The following ZNF585B variants were observed in gnomAD, a reference collection of about 807,000 sequenced individuals.
The protein encoded by ZNF585B is zinc finger protein 585B.
In ZNF585B, 7 loss-of-function variants were observed where a neutral mutation model predicts 14.0. That is an observed-to-expected ratio of 0.50 (90% CI 0.28 to 0.94). The LOEUF (loss-of-function observed/expected upper bound fraction) is 0.94. Ranked by LOEUF, ZNF585B falls within the 40% of genes least tolerant of loss-of-function variation. The probability of loss-of-function intolerance (pLI) is 0.09; values close to 1 mark genes in which losing one functional copy is unlikely to be tolerated. For missense variants in ZNF585B, 750 were observed against 924.4 expected (o/e 0.81, Z 2.45); for synonymous variants, 290 against 317.3 (o/e 0.91, Z 0.91).
chr19:37,205,117 G>A (rs907388510), intron 2 of ZNF585B, among the ~76,000 whole-genome samples: 3 of 151,914 alleles, frequency 2.0e-5, no homozygotes, highest in African/African-American at 4.8e-5. Flanking sequence ...TGCCAGGGCT[G>A]GTCTTGAACT....
At chr19:37,207,865 AATG>A (rs1187508088) in intron 1 of ZNF585B, among the ~76,000 whole-genome samples, 1 of 152,234 alleles carries the variant, frequency 6.6e-6, no homozygotes, top group Non-Finnish European at 1.5e-5. Context: ...ATGAAATAAA[AATG>A]ATATGCGATT....
Position 37,190,158 on chromosome 19 carries a change from G to A in ZNF585B, c.73-8C>T, listed in dbSNP as rs866047867. 6.2e-7 allele frequency: 1 copy of A among 1,614,074 alleles called. No homozygotes were observed. Among genetic ancestry groups the A allele is most frequent in the Non-Finnish European group, 8.5e-7 (1 of 1,180,002 alleles). On this transcript the variant is annotated splice_region_variant and splice_polypyrimidine_tract_variant and intron_variant, in intron 2 of 4. Coordinates refer to ENST00000532828, the MANE Select transcript of ZNF585B (RefSeq NM_152279.4). ...CCTGAAGGACACTGATCCCTGTAAGGGCACATTCCTGTTCAATGTGCATAG... is the reference window on the plus strand; with the variant it reads ...CCTGAAGGACACTGATCCCTGTAAGAGCACATTCCTGTTCAATGTGCATAG...
chr19:37,195,528 A>G (rs1490778110), intron 2 of ZNF585B, among the ~76,000 whole-genome samples: 3 of 152,070 alleles, frequency 2.0e-5, no homozygotes, highest in African/African-American at 4.8e-5. Flanking sequence ...TCAGGAATAA[A>G]ACAGGAAATA....
intron 1 of ZNF585B, among the ~76,000 whole-genome samples, chr19:37,207,661 G>C (rs1232618726): frequency 6.6e-6 from 1 of 152,118 alleles, no homozygotes; most frequent in Non-Finnish European, 1.5e-5. Context: ...CAGAAATAAG[G>C]ATGAAAATGC....
rs753269697 is a variant in ZNF585B, at chr19:37,187,146, C to T, written c.391G>A (p.Glu131Lys). Residue 131 changes from glutamate to lysine, a missense_variant, in exon 5 of 5, where the codon GAG becomes AAG. Transcript: ENST00000532828. ...AAGCTCTTTCCAAATTCAGCACACT[C>T]ATAGGATTTTTCCCCAGAATAAATT... Reference protein sequence around the residue: ...QKIYSGEKSYECAEFGKSFTW... With the variant: ...QKIYSGEKSYKCAEFGKSFTW... The T allele has an allele frequency of 1.4e-5, 22 of 1,613,926 alleles. No individual in the cohort carries two copies. In the South Asian group the frequency reaches 1.8e-4, roughly 13 times the overall value.
intron 2 of ZNF585B, among the ~76,000 whole-genome samples, chr19:37,192,515 A>AT (rs961851413): frequency 2.0e-4 from 28 of 141,996 alleles, no homozygotes; most frequent in Non-Finnish European, 3.2e-4. Flanking sequence ...TCAAAAAAAA[A>AT]AAAAATAAAA....
intron 2 of ZNF585B, among the ~76,000 whole-genome samples, chr19:37,200,549 C>CAAAAAAAAAA (rs368092726): frequency 2.0e-5 from 1 of 48,816 alleles, no homozygotes; most frequent in Non-Finnish European, 4.2e-5. Context: ...GATTCTGTCT[C>CAAAAAAAAAA]AAAAAAAAAA....
At chr19:37,195,955 G>C (rs1972461903) in intron 2 of ZNF585B, 1 of 152,366 alleles carries the variant, frequency 6.6e-6, no homozygotes, top group Non-Finnish European at 1.5e-5. Context: ...GAACCCAGGA[G>C]GCAGAGGTTG....
intron 4 of ZNF585B, among the ~76,000 whole-genome samples, chr19:37,188,401 G>A (rs996878889): frequency 3.3e-5 from 5 of 151,910 alleles, no homozygotes; most frequent in Non-Finnish European, 5.9e-5. Flanking sequence ...CAAGAGAATC[G>A]CTTGAACCCG....
chr19:37,185,585 T>C lies in ZNF585B; in HGVS notation c.1952A>G (p.Lys651Arg). ...TTCTCCGGTATGAGTTTTCTGGTGC[T>C]TACTGAGATTTGACCTGCCACTAAA... ...KAFSGRSNLS[K>R]HQKTHTGEKP... Residue 651 changes from lysine (K) to arginine (R), a missense_variant, in exon 5 of 5, where the codon AAG becomes AGG. Physicochemically the swap from Lys to Arg is conservative, Grantham distance 26. This residue lies in a region of ZNF585B where 233 missense variants were observed against 354.1 expected (regional missense o/e 0.66). Transcript: ENST00000532828. 1 of 1,613,834 alleles carries C rather than the reference T, an allele frequency of 6.2e-7. No individual in the cohort carries two copies. Among genetic ancestry groups the C allele is most frequent in the Non-Finnish European group, 8.5e-7 (1 of 1,179,924 alleles).
chr19:37,186,980 T>G lies in ZNF585B; in HGVS notation c.557A>C (p.Tyr186Ser). Reference protein sequence around the residue: ...HQKTHMREKPYKCNECGKSFF... With the variant: ...HQKTHMREKPSKCNECGKSFF... The stretch of plus-strand genomic sequence containing the variant: ...GGATTTTCCACATTCATTGCACTTA[T>G]AGGGCTTCTCTCTCATATGGGTTTT... Residue 186 changes from tyrosine to serine, a missense_variant, in exon 5 of 5, where the codon TAT (tyrosine) becomes TCT (serine). Tyr to Ser is a moderately radical substitution (Grantham distance 144, BLOSUM62 -2). This residue lies in a region of ZNF585B where 517 missense variants were observed against 570.3 expected (regional missense o/e 0.91). Transcript: ENST00000532828. The G allele has an allele frequency of 6.2e-7, 1 of 1,614,028 alleles. No homozygotes were observed. Among genetic ancestry groups the G allele is most frequent in the South Asian group, 1.1e-5 (1 of 91,026 alleles).
intron 4 of ZNF585B, 91 bp from the exon 5 acceptor site, chr19:37,187,335 G>T: frequency 2.1e-6 from 2 of 960,898 alleles, no homozygotes; most frequent in South Asian, 1.8e-5. Context: ...TTTCTATCAT[G>T]AATGTGTAGA....
At chr19:37,208,954 T>G (rs1407094157) in intron 1 of ZNF585B, among the ~76,000 whole-genome samples, 1 of 151,874 alleles carries the variant, frequency 6.6e-6, no homozygotes, top group Non-Finnish European at 1.5e-5. Flanking sequence ...ATCACGGCAT[T>G]GCACTCCAGC....
At chr19:37,195,458 G>A (rs966222719) in intron 2 of ZNF585B, among the ~76,000 whole-genome samples, 2 of 150,292 alleles carry the variant, frequency 1.3e-5, no homozygotes, top group Admixed American at 6.6e-5. Flanking sequence ...AACAAAATGC[G>A]GCTGATTGGC....
intron 2 of ZNF585B, among the ~76,000 whole-genome samples, chr19:37,200,053 TAATAAAATAAAATAAAATAA>T (rs74174449): frequency 1.8e-4 from 26 of 144,646 alleles, no homozygotes; most frequent in Non-Finnish European, 2.1e-4. Flanking sequence ...CAAAAATAAA[TAATAAAATAAAATAAAATAA>T]AATAAAATAA....
chr19:37,203,076 A>C (rs1489354870), intron 2 of ZNF585B, among the ~76,000 whole-genome samples: 2 of 152,114 alleles, frequency 1.3e-5, no homozygotes, highest in Non-Finnish European at 2.9e-5. Flanking sequence ...ATTAATATGG[A>C]GAAGCAACTT....
chr19:37,198,883 A>C (rs1972501287), intron 2 of ZNF585B: 6 of 1,045,266 alleles, frequency 5.7e-6, no homozygotes, highest in Non-Finnish European at 8.1e-6. Context: ...TGGAAAGAAA[A>C]GTACTAAAGA....
At chr19:37,198,855 T>A in intron 2 of ZNF585B, 1 of 678,730 alleles carries the variant, frequency 1.5e-6, no homozygotes, top group South Asian at 2.5e-5. Flanking sequence ...GGGGAGGGTA[T>A]GAGCATGCAG....
chr19:37,206,250 G>A (rs1396735272), intron 2 of ZNF585B, among the ~76,000 whole-genome samples: 3 of 151,860 alleles, frequency 2.0e-5, no homozygotes, highest in South Asian at 4.2e-4. Context: ...TCAGGAGTTC[G>A]AGATCAGCCT....
Sources: gnomAD v4.1 joint callset for allele counts (sites outside exome capture counted in the v4.1 genomes callset) on GRCh38, gnomAD v4.1.1 for gene constraint, gnomAD v4.1.1 regional missense constraint, MANE v1.5 for transcripts, NCBI Gene and HGNC (gene_info 2026-07-23, HGNC 2026-07-21) for gene names.